Variants in DOT1L observed in about 807,000 individuals in gnomAD.
DOT1L encodes DOT1 like histone lysine methyltransferase, also known as histone-lysine N-methyltransferase, H3 lysine-79 specific.
Under a neutral mutation model 153.3 loss-of-function variants are expected in DOT1L, and 33 were observed. That is an observed-to-expected ratio of 0.22 (90% CI 0.16 to 0.29). The LOEUF is 0.29. Ranked by LOEUF, DOT1L falls within the 10% of genes least tolerant of loss-of-function variation. The probability of loss-of-function intolerance (pLI) is 1.00; values close to 1 mark genes in which losing one functional copy is unlikely to be tolerated. For missense variants in DOT1L, 1,847 were observed against 2,119.9 expected, an observed-to-expected ratio of 0.87 and a Z score of 2.53; for synonymous variants, 1,135 against 965.1, an observed-to-expected ratio of 1.18 and a Z score of -3.26.
chr19:2,182,119 T>G (rs2022269437), intron 2 of DOT1L, among the ~76,000 whole-genome samples: 1 of 151,770 alleles, frequency 6.6e-6, no homozygotes, highest in African/African-American at 2.4e-5. Context: ...CCCAGCTACT[T>G]TGGAGGCTGA....
rs1339775985 is a variant in DOT1L, at chr19:2,229,945, A to C, written c.*153A>C. Reference sequence around the variant, plus strand: ...ACTGTGAATCGGCGGCACGCGCCGCAGGAGGCTGGGACTGGTCCAGTTTGT... The same window carrying C: ...ACTGTGAATCGGCGGCACGCGCCGCCGGAGGCTGGGACTGGTCCAGTTTGT... On this transcript the variant is annotated 3_prime_UTR_variant, in exon 28 of 28. Transcript: ENST00000398665. 1 of 1,341,076 alleles carries C rather than the reference A, an allele frequency of 7.5e-7. No individual in the cohort carries two copies. The highest frequency in any genetic ancestry group is 1.0e-6 in the Non-Finnish European group (1 of 952,394). The allele number at this position is 1,341,076 out of a possible 1,614,324, so 83.1% of individuals were successfully genotyped here.
chr19:2,202,876 A>G (rs1185709746), intron 9 of DOT1L, 97 bp downstream of exon 9: 3 of 1,244,052 alleles, frequency 2.4e-6, no homozygotes, highest in East Asian at 2.4e-5. Context: ...GGCAGCTCAG[A>G]CTTGGGGTCT....
intron 15 of DOT1L, 148 bp downstream of exon 15, chr19:2,211,360 T>A (rs2023707920): frequency 1.4e-6 from 1 of 710,262 alleles, no homozygotes; most frequent in African/African-American, 1.8e-5. Flanking sequence ...GTCTGCCTGC[T>A]GCAGGGGTCA....
At position 2,210,763 on chromosome 19, in the gene DOT1L, C is replaced by A. The variant is rs748856790; in HGVS notation, c.1259C>A (p.Ala420Glu). 1 of 1,612,980 alleles carries A rather than the reference C, an allele frequency of 6.2e-7. No individual in the cohort carries two copies. Among genetic ancestry groups the A allele is most frequent in the South Asian group, 1.1e-5 (1 of 91,088 alleles). Residue 420 changes from alanine (A) to glutamate (E), a missense_variant, in exon 14 of 28, where the codon GCG becomes GAG. By Grantham distance (107) the Ala-to-Glu change is moderately radical (BLOSUM62 -1). This residue lies in a region of DOT1L where 205 missense variants were observed against 203.1 expected (regional missense o/e 1.01). Coordinates refer to ENST00000398665, the MANE Select transcript of DOT1L (RefSeq NM_032482.3). ...KRGRPKKMNT[A>E]NPERKPKKNQ... ...GGGCGCCCCAAGAAGATGAACACTGCGAACCCCGAGCGGAAGCCCAAGAAG... is the reference window on the plus strand; with the variant it reads ...GGGCGCCCCAAGAAGATGAACACTGAGAACCCCGAGCGGAAGCCCAAGAAG...
At chr19:2,168,813 A>G (rs542579472) in intron 1 of DOT1L, among the ~76,000 whole-genome samples, 1 of 151,908 alleles carries the variant, frequency 6.6e-6, no homozygotes, top group Non-Finnish European at 1.5e-5. Context: ...ACAGGTTTTC[A>G]CTATGTTGGC....
At position 2,221,983 on chromosome 19, in the gene DOT1L, C is replaced by G. The variant is rs184769485; in HGVS notation, c.2814C>G (p.Ser938=). The change falls in exon 24 of 28, where the codon TCC becomes TCG. Residue 938 remains serine, a synonymous_variant. Transcript: ENST00000398665. ...CCATGTCCTTCCCGGCAGGCTTCTC[C>G]TACGCTGGCTCGGTGGCCATCAGCG... ...RSLALAPAGF[S]YAGSVAISGA... The G allele has an allele frequency of 2.5e-6, 4 of 1,607,148 alleles. No homozygotes were observed. The East Asian group carries it at 8.9e-5, about 36-fold the overall frequency.
At chr19:2,182,897 C>T (rs2022309006) in intron 2 of DOT1L, among the ~76,000 whole-genome samples, 1 of 152,154 alleles carries the variant, frequency 6.6e-6, no homozygotes, top group Non-Finnish European at 1.5e-5. Context: ...CATCTGGAGT[C>T]TGGAGCTTAA....
chr19:2,186,000 A>G (rs769614449), intron 3 of DOT1L, 71 bp downstream of exon 3: 90 of 1,431,874 alleles, frequency 6.3e-5, no homozygotes, highest in Non-Finnish European at 8.6e-5. Context: ...AGGAGGACGC[A>G]TCCTATAATT....
intron 1 of DOT1L, among the ~76,000 whole-genome samples, chr19:2,169,527 T>A (rs1045996349): frequency 3.3e-5 from 5 of 152,066 alleles, no homozygotes; most frequent in Non-Finnish European, 5.9e-5. Flanking sequence ...ACGGACTCGC[T>A]CTGTCTCCCA....
intron 3 of DOT1L, among the ~76,000 whole-genome samples, chr19:2,187,981 G>A (rs1220293069): frequency 6.6e-6 from 1 of 151,312 alleles, no homozygotes; most frequent in African/African-American, 2.4e-5. Flanking sequence ...CTCCTCTGGA[G>A]CTGCGGGGAA....
chr19:2,217,701 C>T lies in DOT1L; in HGVS notation c.2545-71C>T. The T allele has an allele frequency of 1.9e-6, 3 of 1,539,844 alleles. No individual in the cohort carries two copies. Among genetic ancestry groups the T allele is most frequent in the Non-Finnish European group, 2.6e-6 (3 of 1,140,652 alleles). On this transcript the variant is annotated intron_variant, in intron 21 of 27. Coordinates refer to ENST00000398665, the MANE Select transcript of DOT1L (RefSeq NM_032482.3). The surrounding 1 kb of genome is among the most constrained non-coding windows in gnomAD (Gnocchi z 7.3). ...GAGAGAGCTGTAGCAGGCCCCCGTC[C>T]TGTGGCTGTGGTCCCTGTGTCCTGG...
chr19:2,228,640 C>A (rs2024471582), intron 27 of DOT1L: 1 of 985,274 alleles, frequency 1.0e-6, no homozygotes, highest in African/African-American at 1.7e-5. Flanking sequence ...TGAGGCCAGC[C>A]CTGGGGGCAG....
In DOT1L at chr19:2,190,937, G is replaced by C. The variant is rs1391730263; in HGVS notation, c.265-75G>C. 7.2e-7 allele frequency: 1 copy of C among 1,388,506 alleles called. No homozygotes were observed. Among genetic ancestry groups the C allele is most frequent in the Admixed American group, 2.2e-5 (1 of 45,800 alleles). 86.0% of individuals were successfully genotyped at this position (1,388,506 alleles called of 1,614,324 possible). On this transcript the variant is annotated intron_variant, in intron 4 of 27. Transcript: ENST00000398665. This position sits in a 1 kb window ranked among gnomAD's most constrained non-coding sequence, Gnocchi z 4.8. ...CCGACTCCCTGCTTCCGCTGGGAAA[G>C]GTCCCGGGTCTTGGTGGTGGAGGGG...
chr19:2,216,807 G>T (rs776113167), intron 20 of DOT1L, 42 bp downstream of exon 20: 39 of 1,561,444 alleles, frequency 2.5e-5, no homozygotes, highest in Non-Finnish European at 3.4e-5. Context: ...GCTGGTACCT[G>T]CCGACTCTGC....
rs1599515380 is a variant in DOT1L at position 2,164,202 on chromosome 19, G to A, written c.18G>A (p.Glu6=). Residue 6 remains glutamate, a synonymous_variant, in exon 1 of 28, where the codon GAG becomes GAA. Coordinates refer to ENST00000398665, the MANE Select transcript of DOT1L (RefSeq NM_032482.3). MGEKL[E]LRLKSPVGAE... is the part of the protein sequence containing the mutation. Reference sequence around the variant, plus strand: ...GCGCGGACATGGGGGAGAAGCTGGAGCTGAGACTGAAGTCGCCCGTGGGGG... The same window carrying A: ...GCGCGGACATGGGGGAGAAGCTGGAACTGAGACTGAAGTCGCCCGTGGGGG... 7.8e-7 allele frequency: 1 copy of A among 1,274,180 alleles called. No homozygotes were observed. Among genetic ancestry groups the A allele is most frequent in the African/African-American group, 1.5e-5 (1 of 64,942 alleles). 78.9% of individuals were successfully genotyped at this position (1,274,180 alleles called of 1,614,324 possible).
intron 19 of DOT1L, chr19:2,215,384 GGCAGGTGCTGGTGGGCGGTGCCCACA>G (rs1319642572): frequency 6.6e-6 from 1 of 152,270 alleles, no homozygotes; most frequent in African/African-American, 2.4e-5. Context: ...CCCAGGCAGA[GGCAGGTGCTGGTGGGCGGTGCCCACA>G]GCTGCCGTGC....
chr19:2,216,631 G>T lies in DOT1L; in HGVS notation c.2274G>T (p.Pro758=), dbSNP rs554988360. 1.2e-6 allele frequency: 2 copies of T among 1,605,830 alleles called. No individual in the cohort carries two copies. Among genetic ancestry groups the T allele is most frequent in the Non-Finnish European group, 8.5e-7 (1 of 1,179,902 alleles). The change falls in exon 20 of 28, where the codon CCG becomes CCT. Residue 758 remains proline (P), a synonymous_variant. Transcript: ENST00000398665. ...VPCTPSHVGR[P]RLEKLSGLAA... ...GTACCCCTAGCCACGTCGGCCGGCC[G>T]CGCCTGGAGAAGCTGTCTGGCCTAG... is the stretch of plus-strand genomic sequence containing the variant.
intron 1 of DOT1L, among the ~76,000 whole-genome samples, chr19:2,166,099 ATGT>A (rs1239392399): frequency 7.0e-6 from 1 of 143,714 alleles, no homozygotes; most frequent in Non-Finnish European, 1.5e-5. Context: ...ATGTTATGTT[ATGT>A]TGTTATTTTT....
intron 1 of DOT1L, among the ~76,000 whole-genome samples, chr19:2,168,972 G>A (rs2020028032): frequency 6.6e-6 from 1 of 152,202 alleles, no homozygotes; most frequent in African/African-American, 2.4e-5. Flanking sequence ...AAGGGCACAA[G>A]TGGCATTATT....
Sources: gnomAD v4.1 joint callset for allele counts (sites outside exome capture counted in the v4.1 genomes callset) on GRCh38, gnomAD v4.1.1 for gene constraint, gnomAD v4.1.1 regional missense constraint, Gnocchi (gnomAD v3.1) non-coding constraint, MANE v1.5 for transcripts, NCBI Gene and HGNC (gene_info 2026-07-23, HGNC 2026-07-21) for gene names.